Variants in WDR20 observed in about 807,000 individuals in gnomAD.
The protein encoded by WDR20 is WD repeat-containing protein 20.
A neutral mutation model predicts 38.7 loss-of-function variants in WDR20; 3 were observed. The observed-to-expected ratio is 0.08, with a 90% confidence interval of 0.04 to 0.20. The LOEUF is 0.20. Ranked by LOEUF, WDR20 falls within the 10% of genes least tolerant of loss-of-function variation. The pLI, the probability that WDR20 is intolerant of heterozygous loss-of-function variation, is 1.00. For synonymous variants in WDR20, 298 were observed against 285.6 expected (o/e 1.04, Z -0.44); for missense variants, 559 against 727.7 (o/e 0.77, Z 2.67).
At chr14:102,145,294 T>C (rs761773133) in intron 1 of WDR20, among the ~76,000 whole-genome samples, 4 of 152,226 alleles carry the variant, frequency 2.6e-5, no homozygotes, top group Non-Finnish European at 5.9e-5. Flanking sequence ...ATAGCTCATA[T>C]CTTTTAAAAG....
chr14:102,212,623 G>T (rs2062694608), downstream of WDR20: 2 of 1,534,400 alleles, frequency 1.3e-6, no homozygotes, highest in African/African-American at 2.7e-5. Flanking sequence ...GGAGAGAGGG[G>T]CAGGGAAGCG....
intron 1 of WDR20, among the ~76,000 whole-genome samples, chr14:102,164,048 C>T (rs1596098054): frequency 6.6e-6 from 1 of 152,120 alleles, no homozygotes. Context: ...GATGTGGCAG[C>T]AGTCTGACTT....
rs144997998 is a variant in WDR20, at chr14:102,156,937, C to T, written c.249+16765C>T. Among the ~76,000 whole-genome samples the T allele has an allele frequency of 9.9e-5, 15 of 151,994 alleles. No individual in the cohort carries two copies. The East Asian group carries it at 1.9e-3, about 20-fold the overall frequency. Reference sequence around the variant, plus strand: ...ACCTGGGAGGCGGAGGTTGAGTGAGCGGAGATCCGCGCCGTTGCACTCCAT... The same window carrying T: ...ACCTGGGAGGCGGAGGTTGAGTGAGTGGAGATCCGCGCCGTTGCACTCCAT... On this transcript the variant is annotated intron_variant, in intron 1 of 2. Transcript: ENST00000342702.
downstream of WDR20, among the ~76,000 whole-genome samples, chr14:102,219,745 C>T (rs959854333): frequency 1.3e-5 from 2 of 152,216 alleles, no homozygotes; most frequent in African/African-American, 2.4e-5. Flanking sequence ...CTCTGCATGG[C>T]GATGCATTCT....
chr14:102,222,879 T>C lies in WDR20; in HGVS notation c.1742T>C (p.Val581Ala). 1 of 1,614,208 alleles carries C rather than the reference T, an allele frequency of 6.2e-7. No individual in the cohort carries two copies. The highest frequency in any genetic ancestry group is 8.5e-7 in the Non-Finnish European group (1 of 1,180,016). The change falls in exon 4 of 4, where the codon GTG (valine) becomes GCG (alanine). Residue 581 changes from valine (V) to alanine (A), a missense_variant. Physicochemically the swap from Val to Ala is moderately conservative, Grantham distance 64. Coordinates refer to the WDR20 transcript ENST00000335263. The surrounding 1 kb of genome is among the most constrained non-coding windows in gnomAD (Gnocchi z 4.4). The stretch of plus-strand genomic sequence containing the variant: ...GCCAGTTCTCCAGGTGGAACTGTAG[T>C]GTAGCGACCTCACTGCTGCGCGCAC...
chr14:102,150,292 A>G (rs1050266632), intron 1 of WDR20, among the ~76,000 whole-genome samples: 10 of 152,096 alleles, frequency 6.6e-5, no homozygotes, highest in African/African-American at 1.9e-4. Flanking sequence ...CCTGGACAAC[A>G]TAGTGAGACC....
At chr14:102,181,055 C>T (rs1359715647) in intron 1 of WDR20, among the ~76,000 whole-genome samples, 1 of 152,096 alleles carries the variant, frequency 6.6e-6, no homozygotes, top group Non-Finnish European at 1.5e-5. Context: ...TTTGAATTAT[C>T]AAGAGGCAAG....
chr14:102,198,276 CCTGA>C (rs2059752852), intron 2 of WDR20: 1 of 342,590 alleles, frequency 2.9e-6, no homozygotes, highest in Non-Finnish European at 5.8e-6. Flanking sequence ...TTATAGGCCA[CCTGA>C]CTAATTTTTG....
intron 1 of WDR20, among the ~76,000 whole-genome samples, chr14:102,161,144 T>A (rs12887141): frequency 0.046 from 331 of 7,190 alleles, no homozygotes; most frequent in South Asian, 0.1. Flanking sequence ...ATATATATAT[T>A]TTTTTTTTTT....
intron 1 of WDR20, among the ~76,000 whole-genome samples, chr14:102,163,201 T>G (rs1334742997): frequency 6.6e-6 from 1 of 152,118 alleles, no homozygotes; most frequent in East Asian, 1.9e-4. Context: ...TAAAAACAAG[T>G]TGGCCAATTT....
chr14:102,192,628 C>A (rs913461840), intron 1 of WDR20, among the ~76,000 whole-genome samples: 1 of 152,178 alleles, frequency 6.6e-6, no homozygotes, highest in South Asian at 2.1e-4. Context: ...CTAAGTCTAA[C>A]TCTAAACTGG....
chr14:102,161,372 G>A (rs895620495), intron 1 of WDR20, among the ~76,000 whole-genome samples: 7 of 149,062 alleles, frequency 4.7e-5, no homozygotes, highest in Non-Finnish European at 8.9e-5. Flanking sequence ...GGAGTGCAGC[G>A]GTGCGATCAT....
chr14:102,196,717 G>A (rs1567006199), intron 2 of WDR20, among the ~76,000 whole-genome samples: 1 of 152,218 alleles, frequency 6.6e-6, no homozygotes, highest in Non-Finnish European at 1.5e-5. Flanking sequence ...GGAGCACTCA[G>A]GCTGCATTGG....
chr14:102,170,076 T>G (rs1381633926), intron 1 of WDR20, among the ~76,000 whole-genome samples: 2 of 152,348 alleles, frequency 1.3e-5, no homozygotes, highest in East Asian at 1.9e-4. Context: ...CAGATATAGT[T>G]TTCCTCCTTT....
downstream of WDR20, among the ~76,000 whole-genome samples, chr14:102,210,833 G>A (rs1365036985): frequency 6.6e-6 from 1 of 152,122 alleles, no homozygotes; most frequent in East Asian, 1.9e-4. Flanking sequence ...CGAGTCTTCC[G>A]ACTTCTCCCT....
chr14:102,216,802 C>T (rs996236581), downstream of WDR20, among the ~76,000 whole-genome samples: 11 of 152,046 alleles, frequency 7.2e-5, no homozygotes, highest in Non-Finnish European at 1.5e-4. Flanking sequence ...TGGTGGCGGG[C>T]GCCTGTAGTC....
intron 1 of WDR20, among the ~76,000 whole-genome samples, chr14:102,174,489 G>A (rs1458226055): frequency 2.0e-5 from 3 of 152,014 alleles, no homozygotes; most frequent in Non-Finnish European, 4.4e-5. Context: ...GCACAATCTC[G>A]GCTCACTGCA....
intron 2 of WDR20, among the ~76,000 whole-genome samples, chr14:102,199,540 G>A (rs1187724537): frequency 6.6e-6 from 1 of 152,148 alleles, no homozygotes; most frequent in Non-Finnish European, 1.5e-5. Flanking sequence ...TGGCCCGCTG[G>A]TCACAATTAC....
chr14:102,153,331 G>C (rs1265873426), intron 1 of WDR20, among the ~76,000 whole-genome samples: 1 of 143,564 alleles, frequency 7.0e-6, no homozygotes, highest in South Asian at 2.2e-4. Context: ...TTTTGAGATG[G>C]AGTCTTGCTC....
Sources: allele counts gnomAD v4.1 joint callset (sites outside exome capture counted in the v4.1 genomes callset), GRCh38; gene constraint gnomAD v4.1.1; non-coding constraint Gnocchi (gnomAD v3.1); transcripts MANE v1.5; gene names NCBI Gene and HGNC (gene_info 2026-07-23, HGNC 2026-07-21).